Variants in SLCO3A1 observed in about 807,000 individuals in gnomAD.
SLCO3A1 encodes the protein PGE1 transporter.
A neutral mutation model predicts 63.1 loss-of-function variants in SLCO3A1; 27 were observed. The observed-to-expected ratio is 0.43, with a 90% CI of 0.32 to 0.59. The LOEUF (loss-of-function observed/expected upper bound fraction) is 0.59, where lower values mean the gene tolerates loss of function less well. SLCO3A1 is among the 20% of genes least tolerant of loss of function. SLCO3A1 has a pLI of 0.09. For missense variants in SLCO3A1, 773 were observed against 945.8 expected (o/e 0.82, Z 2.40); for synonymous variants, 473 against 409.9 (o/e 1.15, Z -1.86).
intron 1 of SLCO3A1, among the ~76,000 whole-genome samples, chr15:91,864,980 GCCACT>G (rs1446379284): frequency 6.6e-6 from 1 of 152,206 alleles, no homozygotes; most frequent in African/African-American, 2.4e-5. Flanking sequence ...CAAGACCTAG[GCCACT>G]CCTGAGTGGG....
chr15:92,103,232 C>T (rs549293991), intron 3 of SLCO3A1, among the ~76,000 whole-genome samples: 1 of 152,214 alleles, frequency 6.6e-6, no homozygotes, highest in Admixed American at 6.5e-5. Flanking sequence ...GCCCAGATCT[C>T]CCCAGTTCTC....
At chr15:92,171,559 C>T (rs1452454877) in intron 10 of SLCO3A1, 12 of 515,864 alleles carry the variant, frequency 2.3e-5, no homozygotes, top group East Asian at 1.3e-4. Flanking sequence ...AAATATCCTT[C>T]CCAGAAAGGA....
chr15:92,113,341 G>T (rs1395393177), intron 4 of SLCO3A1, among the ~76,000 whole-genome samples: 3 of 152,126 alleles, frequency 2.0e-5, no homozygotes, highest in Admixed American at 6.5e-5. Flanking sequence ...GGGCCTTCTT[G>T]GTGGGGTTAT....
chr15:92,162,933 C>T lies in SLCO3A1; in HGVS notation c.1931C>T (p.Thr644Met), dbSNP rs774889130. The T allele has an allele frequency of 5.0e-6, 8 of 1,614,186 alleles. No individual in the cohort carries two copies. The highest frequency in any genetic ancestry group is 5.1e-6 in the Non-Finnish European group (6 of 1,180,036). Residue 644 changes from threonine to methionine, a missense_variant, in exon 10 of 10, where the codon ACG (threonine) becomes ATG (methionine). Around this residue, in one of 3 missense-constraint regions of SLCO3A1, gnomAD observed 139 missense variants for 131.4 expected, o/e 1.06. Coordinates refer to ENST00000318445, the MANE Select transcript of SLCO3A1 (RefSeq NM_013272.4). ...KSFAFILYTT[T>M]WQCLRKNYKR... is the part of the protein sequence containing the mutation. Reference sequence around the variant, plus strand: ...TTCGCCTTCATCCTGTACACCACCACGTGGCAGTGCCTGAGGAAAAACTAT... The same window carrying T: ...TTCGCCTTCATCCTGTACACCACCATGTGGCAGTGCCTGAGGAAAAACTAT...
chr15:91,903,171 G>T (rs1898203184), intron 1 of SLCO3A1, among the ~76,000 whole-genome samples: 1 of 152,196 alleles, frequency 6.6e-6, no homozygotes, highest in African/African-American at 2.4e-5. Flanking sequence ...TTGACATACG[G>T]AGGAAATGAG....
At chr15:91,971,296 G>A (rs1238826410) in intron 2 of SLCO3A1, among the ~76,000 whole-genome samples, 1 of 150,560 alleles carries the variant, frequency 6.6e-6, no homozygotes, top group Non-Finnish European at 1.5e-5. Flanking sequence ...TCGGGAGGCT[G>A]AGGCAGGACA....
intron 9 of SLCO3A1, among the ~76,000 whole-genome samples, chr15:92,154,452 C>G (rs1249159610): frequency 1.3e-5 from 2 of 152,206 alleles, no homozygotes; most frequent in Non-Finnish European, 2.9e-5. Flanking sequence ...CTTCTGTAGC[C>G]TACTTTAATT....
Position 92,136,817 on chromosome 15 carries a change from C to A in SLCO3A1, c.1512+8328C>A, listed in dbSNP as rs897456817. Among the ~76,000 whole-genome samples, 17 of 152,290 alleles carry A rather than the reference C, an allele frequency of 1.1e-4. No homozygotes were observed. In the South Asian group the frequency reaches 3.3e-3, roughly 30 times the overall value. ...ACATCCTTCTGGATTTTTTACTGCA[C>A]ATAAAAGGCCCTATTCTGTACCTCA... On this transcript the variant is annotated intron_variant, in intron 7 of 9. Coordinates refer to ENST00000318445, the MANE Select transcript of SLCO3A1 (RefSeq NM_013272.4).
At chr15:91,887,620 C>T (rs752340504) in intron 1 of SLCO3A1, among the ~76,000 whole-genome samples, 7 of 152,198 alleles carry the variant, frequency 4.6e-5, no homozygotes, top group Non-Finnish European at 7.3e-5. Context: ...AGGTGATTGG[C>T]CACTTCGTAG....
In SLCO3A1 at chr15:91,869,137, G is replaced by A. The variant is rs183664254; in HGVS notation, c.180+15049G>A. On this transcript the variant is annotated intron_variant, in intron 1 of 9. Coordinates refer to ENST00000318445, the MANE Select transcript of SLCO3A1 (RefSeq NM_013272.4). ...CACTGGGAGCCGGGCATGGTAGCTCGTGCCTGTAATCCCAGTACTTTGGAA... is the reference window on the plus strand; with the variant it reads ...CACTGGGAGCCGGGCATGGTAGCTCATGCCTGTAATCCCAGTACTTTGGAA... 3.6e-3 allele frequency among the ~76,000 whole-genome samples: 549 copies of A among 152,170 alleles called. 1 individual carries two copies. Among genetic ancestry groups the A allele is most frequent in the Non-Finnish European group, 5.9e-3 (404 of 67,992 alleles).
chr15:92,088,155 C>G (rs1191068319), intron 2 of SLCO3A1, among the ~76,000 whole-genome samples: 1 of 152,202 alleles, frequency 6.6e-6, no homozygotes, highest in Non-Finnish European at 1.5e-5. Flanking sequence ...GTCACTCACT[C>G]CTTCTTCTGC....
intron 8 of SLCO3A1, 74 bp from the exon 9 acceptor site, chr15:92,150,876 A>G: frequency 9.6e-7 from 1 of 1,045,412 alleles, no homozygotes; most frequent in Non-Finnish European, 1.4e-6. Context: ...GCAGCAAATG[A>G]CTCTGGGGTC....
At chr15:91,932,062 A>T (rs1281034187) in intron 2 of SLCO3A1, among the ~76,000 whole-genome samples, 2 of 152,124 alleles carry the variant, frequency 1.3e-5, no homozygotes, top group African/African-American at 4.8e-5. Flanking sequence ...TGCATATCGT[A>T]TGCAAGGCAC....
At chr15:91,879,310 T>TC (rs1285545897) in intron 1 of SLCO3A1, among the ~76,000 whole-genome samples, 2 of 151,990 alleles carry the variant, frequency 1.3e-5, no homozygotes, top group African/African-American at 2.4e-5. Context: ...CTGCCTTTTT[T>TC]TTTTTTAAAG....
At chr15:92,039,673 T>C (rs533454675) in intron 2 of SLCO3A1, among the ~76,000 whole-genome samples, 18 of 152,316 alleles carry the variant, frequency 1.2e-4, no homozygotes, top group African/African-American at 4.1e-4. Context: ...CTCAAGGTTC[T>C]AGAACCAGAA....
intron 1 of SLCO3A1, among the ~76,000 whole-genome samples, chr15:91,867,459 G>T (rs1897192865): frequency 6.6e-6 from 1 of 151,654 alleles, no homozygotes; most frequent in African/African-American, 2.4e-5. Context: ...GTACAAATTA[G>T]ATTCTTGCAA....
At chr15:91,927,582 C>T (rs898382265) in intron 2 of SLCO3A1, among the ~76,000 whole-genome samples, 1 of 152,108 alleles carries the variant, frequency 6.6e-6, no homozygotes, top group African/African-American at 2.4e-5. Flanking sequence ...TGTCGGGGGA[C>T]TGAGGGAGGA....
At chr15:92,144,690 T>C (rs886549792) in intron 7 of SLCO3A1, among the ~76,000 whole-genome samples, 1 of 152,230 alleles carries the variant, frequency 6.6e-6, no homozygotes, top group Non-Finnish European at 1.5e-5. Flanking sequence ...TCTGAGTCTC[T>C]CCCAGGTTTC....
chr15:92,111,253 C>T (rs910346748), intron 4 of SLCO3A1, among the ~76,000 whole-genome samples: 3 of 152,220 alleles, frequency 2.0e-5, no homozygotes, highest in Admixed American at 6.5e-5. Flanking sequence ...TCTCAGCCTC[C>T]TCCATCCATT....
Sources: allele counts gnomAD v4.1 joint callset (sites outside exome capture counted in the v4.1 genomes callset), GRCh38; gene constraint gnomAD v4.1.1; regional missense constraint gnomAD v4.1.1; transcripts MANE v1.5; gene names NCBI Gene and HGNC (gene_info 2026-07-23, HGNC 2026-07-21).